CSMD1: variants seen among roughly 807,000 people sequenced by gnomAD.
CSMD1 encodes the protein CUB and Sushi multiple domains 1.
CSMD1 carries 213 observed loss-of-function variants against 417.5 expected under a neutral mutation model. The ratio of observed to expected loss-of-function variants is 0.51; its 90% CI spans 0.46 to 0.57. The LOEUF is 0.57. Among genes scored for constraint, CSMD1 ranks in the 20% least tolerant of loss-of-function variants. CSMD1 has a pLI of 0.00. For synonymous variants in CSMD1, 2,862 were observed against 1,736.8 expected (o/e 1.65, Z -16.11); for missense variants, 6,923 against 4,529.7 (o/e 1.53, Z -15.17).
In CSMD1 at chr8:4,745,146, A is replaced by T. The variant is rs1810870736; in HGVS notation, c.86-107588T>A. 2.6e-5 allele frequency among the ~76,000 whole-genome samples: 4 copies of T among 152,292 alleles called. No homozygotes were observed. The South Asian group carries it at 6.2e-4, about 24-fold the overall frequency. On this transcript the variant is annotated intron_variant, in intron 1 of 69. Coordinates refer to ENST00000635120, the MANE Select transcript of CSMD1 (RefSeq NM_033225.6). ...TTTAAATCAAATTCATACTTTTAAA[A>T]TTAGATTTATCTTATGTAGGTAAGT...
intron 1 of CSMD1, among the ~76,000 whole-genome samples, chr8:4,909,339 C>A (rs1805508691): frequency 6.6e-6 from 1 of 152,144 alleles, no homozygotes; most frequent in African/African-American, 2.4e-5. Context: ...ACCTCCTTGC[C>A]TTCTACTACT....
intron 60 of CSMD1, among the ~76,000 whole-genome samples, chr8:2,962,961 T>C (rs1353067818): frequency 2.0e-5 from 3 of 152,090 alleles, no homozygotes; most frequent in Admixed American, 2.0e-4. Flanking sequence ...GGTGGGAGGA[T>C]GGTTTGAGCC....
intron 6 of CSMD1, among the ~76,000 whole-genome samples, chr8:3,722,457 C>A (rs939385472): frequency 6.6e-6 from 1 of 152,138 alleles, no homozygotes; most frequent in African/African-American, 2.4e-5. Context: ...AAAGTGCTTG[C>A]CCCAACCTCA....
intron 8 of CSMD1, among the ~76,000 whole-genome samples, chr8:3,597,905 C>T (rs1801170219): frequency 6.6e-6 from 1 of 152,132 alleles, no homozygotes; most frequent in African/African-American, 2.4e-5. Flanking sequence ...TTGATGGGTG[C>T]AGCAAACCAA....
intron 26 of CSMD1, among the ~76,000 whole-genome samples, chr8:3,279,581 G>A (rs938852416): frequency 3.3e-5 from 5 of 152,094 alleles, no homozygotes; most frequent in African/African-American, 9.7e-5. Context: ...GGAAATTCTA[G>A]GAAGAAGGGA....
intron 3 of CSMD1, among the ~76,000 whole-genome samples, chr8:4,080,646 G>C (rs903659762): frequency 2.6e-5 from 4 of 152,026 alleles, no homozygotes; most frequent in Admixed American, 2.0e-4. Context: ...AGTTTTATTA[G>C]CACGACAAGA....
At chr8:4,738,751 AT>A (rs752180714) in intron 1 of CSMD1, among the ~76,000 whole-genome samples, 8 of 152,220 alleles carry the variant, frequency 5.3e-5, no homozygotes, top group Non-Finnish European at 1.0e-4. Flanking sequence ...AATGGTATGC[AT>A]TTCTGAATAC....
At chr8:3,154,641 C>G (rs1219359479) in intron 39 of CSMD1, among the ~76,000 whole-genome samples, 1 of 152,134 alleles carries the variant, frequency 6.6e-6, no homozygotes, top group Admixed American at 6.5e-5. Context: ...CCTGGGCCAC[C>G]TGCTGTGACA....
intron 3 of CSMD1, among the ~76,000 whole-genome samples, chr8:4,314,056 C>T (rs529970652): frequency 6.6e-6 from 1 of 151,318 alleles, no homozygotes; most frequent in East Asian, 1.9e-4. Flanking sequence ...AATAATAATT[C>T]CAGTTAAACT....
intron 5 of CSMD1, among the ~76,000 whole-genome samples, chr8:3,926,108 CA>C (rs1251762251): frequency 2.1e-4 from 17 of 79,088 alleles, no homozygotes; most frequent in East Asian, 5.7e-4. Context: ...CACACACACA[CA>C]CACACACACA....
In CSMD1 at chr8:2,938,258, A is replaced by G. The variant is rs906961955; in HGVS notation, c.*327T>C. The G allele has an allele frequency of 2.4e-5, 6 of 250,018 alleles. No homozygotes were observed. Among genetic ancestry groups the G allele is most frequent in the Non-Finnish European group, 4.6e-5 (6 of 131,744 alleles). The allele number at this position is 250,018 out of a possible 1,614,324, so 15.5% of individuals were successfully genotyped here. A position where few individuals can be genotyped will look rare whatever the true frequency, so the allele number is the denominator to read the frequency against. On this transcript the variant is annotated 3_prime_UTR_variant, in exon 70 of 70. Transcript: ENST00000635120. ...AGACGATTGCATTGAAAGGCATCTC[A>G]GCAACACAGAAATATGAAAGTCTGA...
chr8:4,304,617 T>C (rs183126551), intron 3 of CSMD1, among the ~76,000 whole-genome samples: 1 of 152,190 alleles, frequency 6.6e-6, no homozygotes, highest in African/African-American at 2.4e-5. Context: ...CCTCATTTTA[T>C]ACAGATCAGA....
intron 3 of CSMD1, among the ~76,000 whole-genome samples, chr8:4,255,657 T>A (rs186966134): frequency 8.5e-5 from 13 of 152,342 alleles, no homozygotes; most frequent in African/African-American, 2.9e-4. Context: ...ATTTTGGACT[T>A]TGCTAATATG....
intron 3 of CSMD1, among the ~76,000 whole-genome samples, chr8:4,407,689 G>C (rs1235539124): frequency 1.3e-5 from 2 of 152,086 alleles, no homozygotes; most frequent in East Asian, 1.9e-4. Context: ...ATTTAAATTT[G>C]TTATCACGAT....
At position 4,051,680 on chromosome 8, in the gene CSMD1, C is replaced by T. The variant is rs567478079; in HGVS notation, c.416-19581G>A. Among the ~76,000 whole-genome samples, 8 of 152,088 alleles carry T rather than the reference C, an allele frequency of 5.3e-5. No individual in the cohort carries two copies. The South Asian group carries it at 1.7e-3, about 32-fold the overall frequency. On this transcript the variant is annotated intron_variant, in intron 3 of 69. Coordinates refer to ENST00000635120, the MANE Select transcript of CSMD1 (RefSeq NM_033225.6). ...AGCAGGATAAATTTTCTGTACTGAT[C>T]AAGGCCAATTTATTTTCCAAAAATC... is the stretch of plus-strand genomic sequence containing the variant.
chr8:3,759,821 T>C (rs1325992116), intron 5 of CSMD1, among the ~76,000 whole-genome samples: 2 of 148,126 alleles, frequency 1.4e-5, no homozygotes. Context: ...GGGAGGAGAA[T>C]TGTTTGAACC....
chr8:3,370,825 T>C (rs1809899503), intron 18 of CSMD1, among the ~76,000 whole-genome samples: 1 of 152,040 alleles, frequency 6.6e-6, no homozygotes, highest in South Asian at 2.1e-4. Context: ...AAATATAAAT[T>C]ATTAGCCAGG....
chr8:3,750,581 G>T (rs914787934), intron 6 of CSMD1, among the ~76,000 whole-genome samples: 3 of 151,952 alleles, frequency 2.0e-5, no homozygotes, highest in Non-Finnish European at 4.4e-5. Flanking sequence ...TCAGATAAAA[G>T]GTACAATACA....
chr8:4,630,436 G>C (rs914797893), intron 2 of CSMD1, among the ~76,000 whole-genome samples: 1 of 151,848 alleles, frequency 6.6e-6, no homozygotes, highest in African/African-American at 2.4e-5. Flanking sequence ...CTTCTCTCTA[G>C]ACAACTGCAA....
Sources: allele counts gnomAD v4.1 joint callset (sites outside exome capture counted in the v4.1 genomes callset), GRCh38; gene constraint gnomAD v4.1.1; transcripts MANE v1.5; gene names NCBI Gene and HGNC (gene_info 2026-07-23, HGNC 2026-07-21).